Variants in ERC2 observed in about 807,000 individuals in gnomAD.
ERC2 encodes ELKS/RAB6-interacting/CAST family member 2.
ERC2 carries 42 observed loss-of-function variants against 114.8 expected under a neutral mutation model. That is an observed-to-expected ratio of 0.37 (90% CI 0.29 to 0.47). ERC2 has a LOEUF of 0.47. Ranked by LOEUF, ERC2 falls within the 20% of genes least tolerant of loss-of-function variation. ERC2 has a pLI of 0.99. For synonymous variants in ERC2, 454 were observed against 425.5 expected, an observed-to-expected ratio of 1.07 and a Z score of -0.82; for missense variants, 939 against 1,150.7, an observed-to-expected ratio of 0.82 and a Z score of 2.66.
At chr3:56,070,468 T>TA (rs397876769) in intron 7 of ERC2, among the ~76,000 whole-genome samples, 295 of 46,542 alleles carry the variant, frequency 6.3e-3, no homozygotes, top group Non-Finnish European at 0.012. Context: ...AAACCTTTTT[T>TA]AAAAAAAAAA....
intron 7 of ERC2, among the ~76,000 whole-genome samples, chr3:56,026,066 T>C (rs1271564229): frequency 2.1e-5 from 3 of 144,224 alleles, no homozygotes; most frequent in African/African-American, 7.7e-5. Context: ...TCTTTTTTTT[T>C]TTTTTTTTTT....
intron 2 of ERC2, among the ~76,000 whole-genome samples, chr3:56,342,155 A>T (rs577888390): frequency 6.6e-6 from 1 of 152,374 alleles, no homozygotes; most frequent in African/African-American, 2.4e-5. Context: ...TGAGGCTGGG[A>T]GTAACCCAGC....
intron 1 of ERC2, among the ~76,000 whole-genome samples, chr3:56,463,070 A>G (rs2063388472): frequency 6.6e-6 from 1 of 152,132 alleles, no homozygotes; most frequent in Admixed American, 6.5e-5. Flanking sequence ...TTACAAAAGT[A>G]TACAAAAATC....
chr3:56,359,762 G>A (rs1043945279), intron 2 of ERC2, among the ~76,000 whole-genome samples: 5 of 151,636 alleles, frequency 3.3e-5, no homozygotes, highest in South Asian at 2.1e-4. Context: ...AAGGCAACGG[G>A]GAGCTGCATA....
chr3:56,444,997 G>T (rs2062495317), intron 1 of ERC2, among the ~76,000 whole-genome samples: 1 of 152,224 alleles, frequency 6.6e-6, no homozygotes, highest in African/African-American at 2.4e-5. Context: ...GATGTGCTGT[G>T]TATAGCTAGC....
chr3:55,664,149 AT>A (rs958726433), intron 17 of ERC2, among the ~76,000 whole-genome samples: 37 of 152,088 alleles, frequency 2.4e-4, no homozygotes, highest in African/African-American at 7.7e-4. Context: ...CAAGCCTTTT[AT>A]TTTTTTCCCC....
intron 17 of ERC2, among the ~76,000 whole-genome samples, chr3:55,654,778 C>T (rs1285520170): frequency 6.6e-6 from 1 of 152,218 alleles, no homozygotes; most frequent in African/African-American, 2.4e-5. Flanking sequence ...AGTATGAGGA[C>T]CTTTGCCATC....
At chr3:56,095,971 C>G (rs2078041774) in intron 6 of ERC2, among the ~76,000 whole-genome samples, 1 of 152,174 alleles carries the variant, frequency 6.6e-6, no homozygotes, top group Non-Finnish European at 1.5e-5. Flanking sequence ...TAACCTTCCA[C>G]TTACTCACCA....
chr3:55,927,709 T>C (rs937218981), intron 13 of ERC2, among the ~76,000 whole-genome samples: 4 of 152,206 alleles, frequency 2.6e-5, no homozygotes, highest in African/African-American at 7.2e-5. Context: ...TATCTAACTA[T>C]ATTTTTGTAC....
chr3:55,597,134 G>A (rs1401329445), intron 17 of ERC2, among the ~76,000 whole-genome samples: 1 of 152,126 alleles, frequency 6.6e-6, no homozygotes, highest in East Asian at 1.9e-4. Context: ...AAAGAAGAAT[G>A]ATTTGGCCGG....
chr3:56,310,200 A>G (rs538823003), intron 2 of ERC2, among the ~76,000 whole-genome samples: 1 of 152,244 alleles, frequency 6.6e-6, no homozygotes, highest in Non-Finnish European at 1.5e-5. Context: ...GATACAGGTT[A>G]CAAAAAAAAC....
At chr3:55,903,697 C>T (rs1186536530) in intron 13 of ERC2, among the ~76,000 whole-genome samples, 2 of 152,210 alleles carry the variant, frequency 1.3e-5, no homozygotes, top group Admixed American at 6.5e-5. Context: ...GGCAATAGTT[C>T]CTTTTGGACT....
chr3:56,389,208 A>T (rs1449513048), intron 2 of ERC2, among the ~76,000 whole-genome samples: 1 of 152,128 alleles, frequency 6.6e-6, no homozygotes, highest in Non-Finnish European at 1.5e-5. Flanking sequence ...ATTGCATGGG[A>T]GGAGGGAAAT....
At chr3:55,750,876 G>A (rs986149979) in intron 14 of ERC2, among the ~76,000 whole-genome samples, 1 of 152,094 alleles carries the variant, frequency 6.6e-6, no homozygotes, top group African/African-American at 2.4e-5. Flanking sequence ...TGTTTTCTGG[G>A]GAACAGCAGC....
In ERC2 at chr3:55,967,464, G is replaced by A. The variant is rs567129204; in HGVS notation, c.2268-16904C>T. On this transcript the variant is annotated intron_variant, in intron 12 of 17. Coordinates refer to ENST00000288221, the MANE Select transcript of ERC2 (RefSeq NM_015576.3). The stretch of plus-strand genomic sequence containing the variant: ...ATGCAGTGATTCTGATTACTATTAG[G>A]CCCTTTTTCTGGTATAAATCCTAAA... Among the ~76,000 whole-genome samples the A allele has an allele frequency of 6.0e-4, 92 of 152,146 alleles. 1 individual carries two copies. In the South Asian group the frequency reaches 0.019, roughly 32 times the overall value.
At chr3:56,327,363 G>A (rs1373954592) in intron 2 of ERC2, among the ~76,000 whole-genome samples, 1 of 152,198 alleles carries the variant, frequency 6.6e-6, no homozygotes, top group East Asian at 1.9e-4. Flanking sequence ...TCAGCATCAT[G>A]AGAACAGCAC....
intron 17 of ERC2, among the ~76,000 whole-genome samples, chr3:55,615,236 G>T (rs894502083): frequency 6.6e-6 from 1 of 152,158 alleles, no homozygotes; most frequent in African/African-American, 2.4e-5. Context: ...TGTATTAAGA[G>T]TTAAAAAATA....
intron 2 of ERC2, among the ~76,000 whole-genome samples, chr3:56,370,591 TTTTG>T (rs1406241045): frequency 7.0e-6 from 1 of 143,264 alleles, no homozygotes; most frequent in African/African-American, 2.6e-5. Flanking sequence ...GTGGGGGTTT[TTTTG>T]TTTTTTTTTT....
intron 13 of ERC2, among the ~76,000 whole-genome samples, chr3:55,899,842 A>G (rs1481651569): frequency 6.6e-6 from 1 of 152,210 alleles, no homozygotes; most frequent in Non-Finnish European, 1.5e-5. Flanking sequence ...ATTGATAAAA[A>G]TATGTATTAC....
Sources: allele counts gnomAD v4.1 joint callset (sites outside exome capture counted in the v4.1 genomes callset), GRCh38; gene constraint gnomAD v4.1.1; transcripts MANE v1.5; gene names NCBI Gene and HGNC (gene_info 2026-07-23, HGNC 2026-07-21).